MAGI2: variants seen among roughly 807,000 people sequenced by gnomAD.
MAGI2 encodes the protein membrane associated guanylate kinase, WW and PDZ domain containing 2.
MAGI2 carries 35 observed loss-of-function variants against 133.3 expected under a neutral mutation model. The observed-to-expected ratio is 0.26, with a 90% confidence interval of 0.20 to 0.35. The LOEUF is 0.35. Among genes scored for constraint, MAGI2 ranks in the 10% least tolerant of loss-of-function variants. The pLI is 1.00. For missense variants in MAGI2, 1,636 were observed against 1,863.4 expected (o/e 0.88, Z 2.25); for synonymous variants, 729 against 710.6 (o/e 1.03, Z -0.41).
chr7:79,143,573 C>T (rs1231187523), intron 1 of MAGI2, among the ~76,000 whole-genome samples: 3 of 152,118 alleles, frequency 2.0e-5, no homozygotes, highest in African/African-American at 7.2e-5. Flanking sequence ...CACAATATCC[C>T]AATGCTGATG....
Position 79,095,995 on chromosome 7 carries a change from AT to A in MAGI2, c.302-88790del. Among the ~76,000 whole-genome samples the A allele has an allele frequency of 2.0e-5, 3 of 152,212 alleles. 1 individual carries two copies. The South Asian group carries it at 6.2e-4, about 32-fold the overall frequency. ...TAAGGCATGATTGTACCTTTTCAGG[AT>A]GTTGAAAAGGTCCAGAGCAGGGGGC... is the stretch of plus-strand genomic sequence containing the variant. On this transcript the variant is annotated intron_variant, in intron 1 of 21. Transcript: ENST00000354212.
chr7:79,172,697 C>T (rs1208773640), intron 1 of MAGI2, among the ~76,000 whole-genome samples: 3 of 151,942 alleles, frequency 2.0e-5, no homozygotes, highest in Non-Finnish European at 2.9e-5. Flanking sequence ...CTGTAATCAA[C>T]AAACATGTAT....
chr7:78,243,728 A>G (rs572249951), intron 10 of MAGI2, among the ~76,000 whole-genome samples: 2 of 152,306 alleles, frequency 1.3e-5, no homozygotes, highest in African/African-American at 4.8e-5. Flanking sequence ...AGAACTAGGA[A>G]GAAAAGTTTT....
intron 2 of MAGI2, among the ~76,000 whole-genome samples, chr7:78,672,196 T>G (rs900036266): frequency 1.3e-5 from 2 of 152,162 alleles, no homozygotes; most frequent in Non-Finnish European, 2.9e-5. Context: ...GGTCATGGAA[T>G]TGGATCCCTC....
At chr7:78,333,051 G>C in intron 9 of MAGI2, among the ~76,000 whole-genome samples, 1 of 152,314 alleles carries the variant, frequency 6.6e-6, no homozygotes, top group African/African-American at 2.4e-5. Flanking sequence ...GGCAGTTTTA[G>C]AAAATTATCT....
chr7:78,869,164 G>C (rs533885039), intron 2 of MAGI2, among the ~76,000 whole-genome samples: 36 of 152,292 alleles, frequency 2.4e-4, no homozygotes, highest in African/African-American at 8.2e-4. Flanking sequence ...CATAGTTAGA[G>C]AATATTTTCT....
chr7:78,195,850 G>A (rs1179764105), intron 11 of MAGI2, among the ~76,000 whole-genome samples: 1 of 152,138 alleles, frequency 6.6e-6, no homozygotes, highest in African/African-American at 2.4e-5. Flanking sequence ...CCACCTATTG[G>A]CACTGCCAAC....
chr7:79,441,300 A>G (rs1563227095), intron 1 of MAGI2, among the ~76,000 whole-genome samples: 1 of 152,208 alleles, frequency 6.6e-6, no homozygotes, highest in Admixed American at 6.5e-5. Context: ...GTGGTTTTCT[A>G]AGTTCTATCT....
chr7:78,749,709 A>C (rs1168584986), intron 2 of MAGI2, among the ~76,000 whole-genome samples: 1 of 152,252 alleles, frequency 6.6e-6, no homozygotes, highest in African/African-American at 2.4e-5. Flanking sequence ...GAGATGTTAA[A>C]GATTTTTGAG....
intron 9 of MAGI2, among the ~76,000 whole-genome samples, chr7:78,269,663 G>T (rs1018932088): frequency 4.0e-5 from 6 of 151,406 alleles, no homozygotes; most frequent in African/African-American, 1.5e-4. Context: ...TTTAAGTCTG[G>T]ATATTAGCCC....
intron 13 of MAGI2, 64 bp downstream of exon 13, chr7:78,185,565 T>C (rs1401398796): frequency 6.2e-6 from 8 of 1,284,768 alleles, no homozygotes; most frequent in Non-Finnish European, 7.7e-6. Flanking sequence ...ATCAGAAGAA[T>C]GATTTGTTAC....
At chr7:78,876,386 T>C (rs1339594152) in intron 2 of MAGI2, among the ~76,000 whole-genome samples, 2 of 149,716 alleles carry the variant, frequency 1.3e-5, no homozygotes, top group African/African-American at 2.5e-5. Context: ...AATTGAAGTC[T>C]AAGAAGAAAA....
At chr7:79,133,371 C>T (rs537800725) in intron 1 of MAGI2, among the ~76,000 whole-genome samples, 5 of 152,234 alleles carry the variant, frequency 3.3e-5, no homozygotes, top group African/African-American at 1.2e-4. Context: ...CTGCATGTGG[C>T]TTGCCACTTT....
At chr7:78,451,960 CT>C (rs1788769495) in intron 6 of MAGI2, among the ~76,000 whole-genome samples, 1 of 152,074 alleles carries the variant, frequency 6.6e-6, no homozygotes. Flanking sequence ...AGAATCACAT[CT>C]ATCACACGAT....
chr7:78,415,941 T>C (rs894860130), intron 6 of MAGI2, among the ~76,000 whole-genome samples: 6 of 152,064 alleles, frequency 3.9e-5, no homozygotes, highest in African/African-American at 1.4e-4. Context: ...AGTTCCAAGA[T>C]GGATAGAAAT....
intron 3 of MAGI2, among the ~76,000 whole-genome samples, chr7:78,593,901 G>A (rs968287701): frequency 1.1e-4 from 16 of 152,294 alleles, no homozygotes; most frequent in Admixed American, 1.3e-4. Context: ...TGTTAAAACC[G>A]TGGTTCTGAA....
intron 3 of MAGI2, among the ~76,000 whole-genome samples, chr7:78,527,205 C>G (rs949304647): frequency 1.2e-4 from 18 of 152,118 alleles, no homozygotes; most frequent in African/African-American, 4.3e-4. Flanking sequence ...ACCTGCCAGG[C>G]AAAGTCCTTG....
chr7:79,137,215 G>C (rs377006550), intron 1 of MAGI2, among the ~76,000 whole-genome samples: 2 of 152,088 alleles, frequency 1.3e-5, no homozygotes, highest in South Asian at 4.1e-4. Context: ...AGAAAAGAGT[G>C]GGCTCAGTTT....
At chr7:78,526,412 A>G (rs1796956685) in intron 3 of MAGI2, among the ~76,000 whole-genome samples, 1 of 152,200 alleles carries the variant, frequency 6.6e-6, no homozygotes. Context: ...TTCACGGAAT[A>G]TGTTTGTACT....
Sources: allele counts gnomAD v4.1 joint callset (sites outside exome capture counted in the v4.1 genomes callset), GRCh38; gene constraint gnomAD v4.1.1; transcripts MANE v1.5; gene names NCBI Gene and HGNC (gene_info 2026-07-23, HGNC 2026-07-21).